The following ZNF337 variants were observed in gnomAD, a reference collection of about 807,000 sequenced individuals.
The protein encoded by ZNF337 is zinc finger protein 337.
ZNF337 carries 8 observed loss-of-function variants against 12.1 expected under a neutral mutation model. That is an observed-to-expected ratio of 0.66 (90% CI 0.39 to 1.19). The LOEUF (loss-of-function observed/expected upper bound fraction) is 1.19, where lower values mean the gene tolerates loss of function less well. ZNF337 is among the 50% of genes most tolerant of loss of function. The pLI, the probability that ZNF337 is intolerant of heterozygous loss-of-function variation, is 0.01. For missense variants in ZNF337, 882 were observed against 896.6 expected (o/e 0.98, Z 0.21); for synonymous variants, 336 against 320.0 (o/e 1.05, Z -0.53).
At chr20:25,687,345 G>A (rs1246406440) in intron 1 of ZNF337, among the ~76,000 whole-genome samples, 1 of 152,084 alleles carries the variant, frequency 6.6e-6, no homozygotes, top group East Asian at 1.9e-4. Flanking sequence ...AATTCCAGTA[G>A]AAATACAGGA....
At chr20:25,689,400 ATCATCCTTTTCATG>A in intron 1 of ZNF337, among the ~76,000 whole-genome samples, 1 of 152,204 alleles carries the variant, frequency 6.6e-6, no homozygotes, top group Non-Finnish European at 1.5e-5. Context: ...GCTAGAATAT[ATCATCCTTTTCATG>A]TATTGCTGGA....
At chr20:25,696,097 C>T (rs1007548870) in intron 1 of ZNF337, among the ~76,000 whole-genome samples, 4 of 131,140 alleles carry the variant, frequency 3.1e-5, no homozygotes, top group African/African-American at 8.9e-5. Flanking sequence ...TCCCCCCCCC[C>T]CCCCACCAAA....
intron 4 of ZNF337, among the ~76,000 whole-genome samples, chr20:25,679,310 TACAC>T (rs1484729164): frequency 2.6e-5 from 4 of 151,944 alleles, no homozygotes; most frequent in Non-Finnish European, 5.9e-5. Flanking sequence ...AAAGCAAAAA[TACAC>T]ACATGAGACT....
At chr20:25,681,969 C>G (rs1450824282) in intron 4 of ZNF337, among the ~76,000 whole-genome samples, 1 of 152,128 alleles carries the variant, frequency 6.6e-6, no homozygotes, top group Non-Finnish European at 1.5e-5. Flanking sequence ...ATACGGAGCA[C>G]AAAGCTAAAT....
At chr20:25,682,438 T>C (rs956663336) in intron 4 of ZNF337, among the ~76,000 whole-genome samples, 7 of 152,150 alleles carry the variant, frequency 4.6e-5, no homozygotes, top group African/African-American at 1.7e-4. Flanking sequence ...ACTATGAATA[T>C]AGAAGATGTA....
chr20:25,683,886 A>G (rs1412075887), intron 4 of ZNF337, among the ~76,000 whole-genome samples: 3 of 152,112 alleles, frequency 2.0e-5, no homozygotes, highest in Non-Finnish European at 4.4e-5. Context: ...TCATGCTGCT[A>G]TAAAGACACA....
chr20:25,689,095 C>T (rs2065861006), intron 1 of ZNF337, among the ~76,000 whole-genome samples: 1 of 149,244 alleles, frequency 6.7e-6, no homozygotes, highest in Non-Finnish European at 1.5e-5. Context: ...CGAGATCGCG[C>T]CACTGCGCTC....
rs1180188740 is a variant in ZNF337, at chr20:25,684,803, G to A, written c.250+764C>T. On this transcript the variant is annotated intron_variant, in intron 4 of 4. Coordinates refer to ENST00000252979, the MANE Select transcript of ZNF337 (RefSeq NM_015655.4). ...TAGAATACTATGTGGCCATAAAAAA[G>A]GATGAGTTCATGTCCTTTGCAGGAT... 2.0e-5 allele frequency among the ~76,000 whole-genome samples: 3 copies of A among 152,128 alleles called. No individual in the cohort carries two copies. The East Asian group carries it at 5.8e-4, about 29-fold the overall frequency.
At chr20:25,682,719 C>T (rs2065781616) in intron 4 of ZNF337, among the ~76,000 whole-genome samples, 1 of 151,884 alleles carries the variant, frequency 6.6e-6, no homozygotes, top group Non-Finnish European at 1.5e-5. Context: ...CATGTAGTCC[C>T]AGCTACTCAA....
intron 4 of ZNF337, chr20:25,677,324 C>G (rs2065712444): frequency 3.3e-6 from 1 of 305,696 alleles, no homozygotes; most frequent in African/African-American, 2.2e-5. Context: ...GAAAAATCCT[C>G]AACAAAATAC....
At position 25,685,778 on chromosome 20, in the gene ZNF337, G is replaced by T. The variant is rs1386549104; in HGVS notation, c.155-116C>A. The T allele has an allele frequency of 4.2e-6, 5 of 1,179,138 alleles. No individual in the cohort carries two copies. The African/African-American group carries it at 6.0e-5, about 14-fold the overall frequency. 73.0% of individuals were successfully genotyped at this position (1,179,138 alleles called of 1,614,324 possible). On this transcript the variant is annotated intron_variant, in intron 3 of 4. Transcript: ENST00000252979. ...GAATCAGAGGGGGAAGGCTCAGGAG[G>T]ACCCTGTCTACCATGCTCAGAGTAC...
intron 1 of ZNF337, among the ~76,000 whole-genome samples, chr20:25,688,498 C>T (rs1278919527): frequency 6.6e-6 from 1 of 152,144 alleles, no homozygotes; most frequent in Non-Finnish European, 1.5e-5. Context: ...AATGCTTGTT[C>T]CTGATCTTAG....
chr20:25,678,431 C>A (rs1289099287), intron 4 of ZNF337, among the ~76,000 whole-genome samples: 1 of 152,010 alleles, frequency 6.6e-6, no homozygotes, highest in African/African-American at 2.4e-5. Flanking sequence ...TTGAGATGAC[C>A]ATACTGCCCA....
intron 1 of ZNF337, among the ~76,000 whole-genome samples, chr20:25,694,943 A>C (rs762065024): frequency 9.2e-5 from 14 of 152,170 alleles, no homozygotes; most frequent in Admixed American, 2.6e-4. Context: ...ATGTAGCCAG[A>C]CCTCCTTTGT....
chr20:25,675,205 T>C lies in ZNF337; in HGVS notation c.2083A>G (p.Thr695Ala). The C allele has an allele frequency of 6.2e-7, 1 of 1,614,252 alleles. No individual in the cohort carries two copies. Among genetic ancestry groups the C allele is most frequent in the Non-Finnish European group, 8.5e-7 (1 of 1,180,038 alleles). The change falls in exon 5 of 5, where the codon ACC becomes GCC. Residue 695 changes from threonine to alanine, a missense_variant. By Grantham distance (58) the Thr-to-Ala change is moderately conservative. Transcript: ENST00000252979. ...TGCACAGTGAGGTCTGACTTACTGG[T>C]ATAGCCTCGCTTACACTCCTGGCAA... ...FVCQECKRGY[T>A]SKSDLTVHER... is the part of the protein sequence containing the mutation.
At position 25,675,966 on chromosome 20, in the gene ZNF337, A is replaced by C. The variant is rs756196991; in HGVS notation, c.1322T>G (p.Phe441Cys). The C allele has an allele frequency of 6.2e-7, 1 of 1,613,232 alleles. No homozygotes were observed. Among genetic ancestry groups the C allele is most frequent in the Admixed American group, 1.7e-5 (1 of 59,962 alleles). ...TTTCACAAGGGTTGACTTCTGAATA[A>C]ATCCTTGCCCACATTCTCTACAAAC... ...PFVCRECGQG[F>C]IQKSTLVKHQ... The change falls in exon 5 of 5, where the codon TTT becomes TGT. Residue 441 changes from phenylalanine (F) to cysteine (C), a missense_variant. Transcript: ENST00000252979.
At chr20:25,689,547 G>T (rs1311242731) in intron 1 of ZNF337, among the ~76,000 whole-genome samples, 1 of 152,044 alleles carries the variant, frequency 6.6e-6, no homozygotes, top group Non-Finnish European at 1.5e-5. Flanking sequence ...TAAGTGACCT[G>T]TGTATACTTT....
In ZNF337 at chr20:25,675,140, T is replaced by G; in HGVS notation, c.2148A>C (p.Gln716His). The change falls in exon 5 of 5, where the codon CAA (glutamine) becomes CAC (histidine). Residue 716 changes from glutamine (Q) to histidine (H), a missense_variant. Gln to His is a conservative substitution (Grantham distance 24). Coordinates refer to ENST00000252979, the MANE Select transcript of ZNF337 (RefSeq NM_015655.4). ...TATTGCTAAACTTTCGTCCACACTC[T>G]TGGCATTCATAAGGCCTCTCTCCTG... ...IHTGERPYECQECGRKFSNKS... is the reference protein window; with the variant it reads ...IHTGERPYECHECGRKFSNKS... 6.2e-7 allele frequency: 1 copy of G among 1,614,230 alleles called. No homozygotes were observed. Among genetic ancestry groups the G allele is most frequent in the Middle Eastern group, 1.6e-4 (1 of 6,062 alleles).
intron 2 of ZNF337, 90 bp downstream of exon 2, chr20:25,686,301 G>A (rs1055477447): frequency 1.4e-6 from 2 of 1,468,536 alleles, no homozygotes; most frequent in African/African-American, 2.8e-5. Flanking sequence ...TGCTGGCCTT[G>A]GTCCTGTGCT....
Sources: gnomAD v4.1 joint callset for allele counts (sites outside exome capture counted in the v4.1 genomes callset) on GRCh38, gnomAD v4.1.1 for gene constraint, MANE v1.5 for transcripts, NCBI Gene and HGNC (gene_info 2026-07-23, HGNC 2026-07-21) for gene names.